TPH2: variants seen among roughly 807,000 people sequenced by gnomAD.
TPH2 encodes the protein tryptophan 5-hydroxylase 2.
In TPH2, 27 loss-of-function variants were observed where a neutral mutation model predicts 59.1. The ratio of observed to expected loss-of-function variants is 0.46; its 90% CI spans 0.34 to 0.63. The LOEUF (loss-of-function observed/expected upper bound fraction) is 0.63. TPH2 is among the 30% of genes least tolerant of loss of function. The pLI, the probability that TPH2 is intolerant of heterozygous loss-of-function variation, is 0.01. For synonymous variants in TPH2, 220 were observed against 210.5 expected (o/e 1.05, Z -0.39); for missense variants, 523 against 588.3 (o/e 0.89, Z 1.15).
intron 8 of TPH2, among the ~76,000 whole-genome samples, chr12:71,996,205 G>A (rs769106032): frequency 2.7e-4 from 41 of 152,228 alleles, no homozygotes; most frequent in Non-Finnish European, 5.6e-4. Flanking sequence ...CTCACCGTGT[G>A]GGCCTCTCCT....
At chr12:71,982,884 T>A (rs1872323473) in intron 7 of TPH2, among the ~76,000 whole-genome samples, 2 of 152,250 alleles carry the variant, frequency 1.3e-5, no homozygotes, top group South Asian at 4.1e-4. Context: ...TCTGGTAGAA[T>A]GTATTTTGCC....
At chr12:71,997,707 T>A (rs1872728002) in intron 8 of TPH2, among the ~76,000 whole-genome samples, 2 of 152,142 alleles carry the variant, frequency 1.3e-5, no homozygotes, top group Non-Finnish European at 2.9e-5. Flanking sequence ...CAATTTAAGC[T>A]ACCAGGCATT....
At chr12:71,953,137 A>G (rs1345833940) in intron 5 of TPH2, among the ~76,000 whole-genome samples, 1 of 151,118 alleles carries the variant, frequency 6.6e-6, no homozygotes, top group Non-Finnish European at 1.5e-5. Context: ...AAGCAGTCAT[A>G]TTCCTCCCCA....
intron 4 of TPH2, among the ~76,000 whole-genome samples, chr12:71,944,929 G>C (rs939575465): frequency 6.6e-6 from 1 of 152,172 alleles, no homozygotes; most frequent in Non-Finnish European, 1.5e-5. Context: ...AGGAGGAGAC[G>C]CTAAACCTTG....
chr12:71,976,916 T>G (rs1872135769), intron 6 of TPH2, among the ~76,000 whole-genome samples: 1 of 152,128 alleles, frequency 6.6e-6, no homozygotes, highest in East Asian at 1.9e-4. Context: ...TATGTGGAAT[T>G]TGGAAAAGTT....
chr12:72,027,432 C>A (rs527618102), intron 9 of TPH2, among the ~76,000 whole-genome samples: 3 of 152,306 alleles, frequency 2.0e-5, no homozygotes, highest in Non-Finnish European at 4.4e-5. Context: ...TTGACCACAA[C>A]CCCAGGTTAT....
At chr12:71,940,914 T>G (rs1476215431) in intron 1 of TPH2, among the ~76,000 whole-genome samples, 1 of 152,166 alleles carries the variant, frequency 6.6e-6, no homozygotes, top group Admixed American at 6.6e-5. Flanking sequence ...CCTTTCTCCT[T>G]TTTTCCTTTT....
Position 72,018,801 on chromosome 12 carries a change from T to C in TPH2, c.1069-3598T>C, listed in dbSNP as rs536168546. Among the ~76,000 whole-genome samples the C allele has an allele frequency of 9.8e-5, 15 of 152,326 alleles. No individual in the cohort carries two copies. The East Asian group carries it at 2.7e-3, about 27-fold the overall frequency. On this transcript the variant is annotated intron_variant, in intron 8 of 10. Transcript: ENST00000333850. Reference sequence around the variant, plus strand: ...CCATTTTAGACTTTTATTTCTCCATTATTTGGTTGTGAAGGAAAATTATGC... The same window carrying C: ...CCATTTTAGACTTTTATTTCTCCATCATTTGGTTGTGAAGGAAAATTATGC...
chr12:71,984,031 C>T (rs1872362665), intron 7 of TPH2, among the ~76,000 whole-genome samples: 1 of 152,130 alleles, frequency 6.6e-6, no homozygotes, highest in African/African-American at 2.4e-5. Context: ...TCCCATTCCA[C>T]ACATCTCTTC....
Position 72,031,947 on chromosome 12 carries a change from T to G in TPH2, c.*252T>G. The G allele has an allele frequency of 2.0e-6, 1 of 494,878 alleles. No individual in the cohort carries two copies. Among genetic ancestry groups the G allele is most frequent in the South Asian group, 2.1e-5 (1 of 48,006 alleles). The allele number at this position is 494,878 out of a possible 1,614,324, so 30.7% of individuals were successfully genotyped here. A position where few individuals can be genotyped will look rare whatever the true frequency, so the allele number is the denominator to read the frequency against. On this transcript the variant is annotated 3_prime_UTR_variant, in exon 11 of 11. Coordinates refer to ENST00000333850, the MANE Select transcript of TPH2 (RefSeq NM_173353.4). ...TCTTAAAAAGATTTGACATTCCTGC[T>G]TAGTGTCCTTAACCAAACTGCATCT...
intron 8 of TPH2, among the ~76,000 whole-genome samples, chr12:72,010,571 C>T (rs1448362796): frequency 6.6e-6 from 1 of 152,158 alleles, no homozygotes; most frequent in Non-Finnish European, 1.5e-5. Flanking sequence ...CCCTGCCAAA[C>T]ATACCTTTCT....
chr12:71,944,985 T>C (rs1223531459), intron 4 of TPH2, among the ~76,000 whole-genome samples: 1 of 152,162 alleles, frequency 6.6e-6, no homozygotes, highest in Non-Finnish European at 1.5e-5. Context: ...TACCTGCAGA[T>C]GGTGATCCTT....
In TPH2 at chr12:71,969,145, T is replaced by C. The variant is rs377697547; in HGVS notation, c.609-3374T>C. Among the ~76,000 whole-genome samples the C allele has an allele frequency of 5.3e-5, 8 of 152,030 alleles. No homozygotes were observed. In the East Asian group the frequency reaches 1.6e-3, roughly 29 times the overall value. On this transcript the variant is annotated intron_variant, in intron 5 of 10. Transcript: ENST00000333850. ...AAAAATACAAAAAATTAGCCGGGCG[T>C]GGTGGCGGGCGCCTGTAGTCCCAGC...
At chr12:71,995,776 T>C (rs1030401141) in intron 8 of TPH2, among the ~76,000 whole-genome samples, 1 of 152,176 alleles carries the variant, frequency 6.6e-6, no homozygotes, top group African/African-American at 2.4e-5. Context: ...AGAGATCTCC[T>C]AAATTTTTTA....
intron 5 of TPH2, among the ~76,000 whole-genome samples, chr12:71,969,940 C>A (rs1871924764): frequency 1.3e-5 from 2 of 152,280 alleles, no homozygotes; most frequent in Non-Finnish European, 1.5e-5. Context: ...TTGTGAGAAT[C>A]AAATGGGCCA....
intron 8 of TPH2, among the ~76,000 whole-genome samples, chr12:72,017,277 T>G (rs552026697): frequency 2.0e-5 from 3 of 152,254 alleles, no homozygotes; most frequent in Admixed American, 6.5e-5. Context: ...GGGCGACCTA[T>G]CTCATTTTCC....
intron 7 of TPH2, among the ~76,000 whole-genome samples, chr12:71,988,401 G>A (rs1163682817): frequency 6.6e-6 from 1 of 152,168 alleles, no homozygotes; most frequent in Non-Finnish European, 1.5e-5. Flanking sequence ...GGCTGCACAG[G>A]AAGCATAGTG....
Position 71,994,427 on chromosome 12 carries a change from C to CT in TPH2, c.942-6dup. ...CTTATTTAACACGTCTTTGTGATGTCTTTTTTGTCAGAGACACATGCCATG... is the reference window on the plus strand; with the variant it reads ...CTTATTTAACACGTCTTTGTGATGTCTTTTTTTGTCAGAGACACATGCCATG... On this transcript the variant is annotated splice_polypyrimidine_tract_variant and intron_variant, in intron 7 of 10. Coordinates refer to ENST00000333850, the MANE Select transcript of TPH2 (RefSeq NM_173353.4). 1.9e-6 allele frequency: 3 copies of CT among 1,613,518 alleles called. No homozygotes were observed. The highest frequency in any genetic ancestry group is 2.5e-6 in the Non-Finnish European group (3 of 1,179,578).
chr12:72,003,092 C>G (rs765458825), intron 8 of TPH2, among the ~76,000 whole-genome samples: 3 of 152,184 alleles, frequency 2.0e-5, no homozygotes, highest in Non-Finnish European at 4.4e-5. Context: ...CCTGGTCCCT[C>G]TTGTCTTTGC....
Sources: allele counts gnomAD v4.1 joint callset (sites outside exome capture counted in the v4.1 genomes callset), GRCh38; gene constraint gnomAD v4.1.1; transcripts MANE v1.5; gene names NCBI Gene and HGNC (gene_info 2026-07-23, HGNC 2026-07-21).